The following UNC5D variants were observed in gnomAD, a reference collection of about 807,000 sequenced individuals.
UNC5D encodes netrin receptor UNC5D.
In UNC5D, 39 loss-of-function variants were observed where a neutral mutation model predicts 105.4. That is an observed-to-expected ratio of 0.37 (90% CI 0.29 to 0.48). UNC5D has a LOEUF of 0.48. Among genes scored for constraint, UNC5D ranks in the 20% least tolerant of loss-of-function variants. The pLI is 0.98. For synonymous variants in UNC5D, 452 were observed against 450.4 expected, an observed-to-expected ratio of 1.00 and a Z score of -0.04; for missense variants, 991 against 1,202.4, an observed-to-expected ratio of 0.82 and a Z score of 2.60.
chr8:35,410,556 A>T (rs530087731), intron 1 of UNC5D, among the ~76,000 whole-genome samples: 1 of 152,208 alleles, frequency 6.6e-6, no homozygotes, highest in African/African-American at 2.4e-5. Flanking sequence ...GAATAGAAAG[A>T]ATGCAAAGAA....
At chr8:35,647,486 A>G (rs1174683734) in intron 4 of UNC5D, among the ~76,000 whole-genome samples, 1 of 151,884 alleles carries the variant, frequency 6.6e-6, no homozygotes, top group Non-Finnish European at 1.5e-5. Flanking sequence ...CATTACATTT[A>G]TTTCTTTTAA....
chr8:35,654,648 T>C (rs1019773245), intron 4 of UNC5D, among the ~76,000 whole-genome samples: 1 of 152,074 alleles, frequency 6.6e-6, no homozygotes, highest in Non-Finnish European at 1.5e-5. Flanking sequence ...TTTCATGACA[T>C]GCTTTATCTA....
chr8:35,721,592 A>G, intron 8 of UNC5D: 1 of 690,974 alleles, frequency 1.4e-6, no homozygotes, highest in African/African-American at 1.8e-5. Flanking sequence ...CCTGGGACCA[A>G]GACCTTCATA....
At chr8:35,606,386 T>C (rs1433954999) in intron 4 of UNC5D, among the ~76,000 whole-genome samples, 1 of 152,232 alleles carries the variant, frequency 6.6e-6, no homozygotes, top group Non-Finnish European at 1.5e-5. Context: ...AGTCTGGAGT[T>C]TGCATTAAGG....
chr8:35,750,186 G>C (rs1411294992), intron 12 of UNC5D, among the ~76,000 whole-genome samples: 2 of 151,818 alleles, frequency 1.3e-5, no homozygotes, highest in Non-Finnish European at 2.9e-5. Flanking sequence ...TGCCCAGGCT[G>C]GAGTGCAGTG....
intron 1 of UNC5D, among the ~76,000 whole-genome samples, chr8:35,293,350 C>A (rs1334275347): frequency 6.6e-6 from 1 of 152,122 alleles, no homozygotes; most frequent in East Asian, 1.9e-4. Flanking sequence ...GTGCTTTTAC[C>A]ATGGAAGGGT....
chr8:35,709,534 A>G (rs1827807267), intron 8 of UNC5D, among the ~76,000 whole-genome samples: 2 of 152,080 alleles, frequency 1.3e-5, no homozygotes, highest in Non-Finnish European at 2.9e-5. Context: ...TACTAAAAAT[A>G]CAAATATTAG....
intron 1 of UNC5D, among the ~76,000 whole-genome samples, chr8:35,484,586 A>G (rs868122996): frequency 6.6e-6 from 1 of 152,176 alleles, no homozygotes; most frequent in Non-Finnish European, 1.5e-5. Flanking sequence ...TCCCACTGAC[A>G]TGTTATGAAA....
intron 4 of UNC5D, among the ~76,000 whole-genome samples, chr8:35,673,359 T>G (rs375267905): frequency 6.6e-6 from 1 of 152,232 alleles, no homozygotes; most frequent in Non-Finnish European, 1.5e-5. Context: ...AGCATCACTG[T>G]GCAATGGTTC....
At chr8:35,761,587 G>A (rs78252754) in intron 14 of UNC5D, among the ~76,000 whole-genome samples, 6,566 of 152,254 alleles carry the variant, frequency 0.043, 349 homozygotes, top group African/African-American at 0.12. Context: ...TTGTAATTGA[G>A]CATAATTTGA....
intron 10 of UNC5D, among the ~76,000 whole-genome samples, chr8:35,729,403 C>T (rs7014109): frequency 0.081 from 12,313 of 152,124 alleles, 1,417 homozygotes; most frequent in African/African-American, 0.26. Flanking sequence ...TCCTGCTACA[C>T]GAGTGGCATT....
At chr8:35,733,378 GTCACCTTT>G (rs545764910) in intron 11 of UNC5D, among the ~76,000 whole-genome samples, 1 of 152,334 alleles carries the variant, frequency 6.6e-6, no homozygotes, top group African/African-American at 2.4e-5. Context: ...AGGCCAGTGT[GTCACCTTT>G]TCTTTGTAAT....
chr8:35,593,546 G>A (rs1819308899), intron 3 of UNC5D, among the ~76,000 whole-genome samples: 1 of 152,114 alleles, frequency 6.6e-6, no homozygotes, highest in African/African-American at 2.4e-5. Flanking sequence ...GGAGGAGTTG[G>A]AGACCAGACT....
intron 16 of UNC5D, among the ~76,000 whole-genome samples, chr8:35,777,942 C>T (rs894654262): frequency 1.3e-5 from 2 of 152,146 alleles, no homozygotes; most frequent in Non-Finnish European, 2.9e-5. Context: ...CTGGTGACCA[C>T]GGGCTCTAGG....
Position 35,477,931 on chromosome 8 carries a change from T to A in UNC5D, c.104-71361T>A, listed in dbSNP as rs563699225. 1.3e-3 allele frequency among the ~76,000 whole-genome samples: 200 copies of A among 152,298 alleles called. 1 individual carries two copies. The highest frequency in any genetic ancestry group is 4.7e-3 in the African/African-American group (196 of 41,582). ...GGAAGATAATCTTTAGGCATTATTA[T>A]TGGTAAATAAAAGTAAATAGAATGG... On this transcript the variant is annotated intron_variant, in intron 1 of 16. Transcript: ENST00000404895.
intron 1 of UNC5D, among the ~76,000 whole-genome samples, chr8:35,470,768 A>AAATG (rs1274647264): frequency 8.4e-6 from 1 of 119,086 alleles, no homozygotes; most frequent in Admixed American, 8.4e-5. Flanking sequence ...GACTTTCTCA[A>AAATG]AATAAATAAA....
At chr8:35,752,473 G>A (rs1367571986) in intron 13 of UNC5D, among the ~76,000 whole-genome samples, 5 of 152,192 alleles carry the variant, frequency 3.3e-5, no homozygotes, top group East Asian at 1.9e-4. Context: ...TTCCTGAACC[G>A]CCCCTGAGTA....
At chr8:35,474,413 A>T (rs148867420) in intron 1 of UNC5D, among the ~76,000 whole-genome samples, 1 of 152,366 alleles carries the variant, frequency 6.6e-6, no homozygotes, top group African/African-American at 2.4e-5. Context: ...CACCCAAAAT[A>T]GAGATAGCGA....
At position 35,456,090 on chromosome 8, in the gene UNC5D, T is replaced by C. The variant is rs573055843; in HGVS notation, c.104-93202T>C. 2.6e-5 allele frequency among the ~76,000 whole-genome samples: 4 copies of C among 152,292 alleles called. No homozygotes were observed. In the South Asian group the frequency reaches 8.3e-4, roughly 32 times the overall value. On this transcript the variant is annotated intron_variant, in intron 1 of 16. Transcript: ENST00000404895. ...TACTTGGCCTGCCTAATTCAGATAA[T>C]TTTTAAGGAGGAGAATCCATTTATT...
Sources: gnomAD v4.1 joint callset for allele counts (sites outside exome capture counted in the v4.1 genomes callset) on GRCh38, gnomAD v4.1.1 for gene constraint, MANE v1.5 for transcripts, NCBI Gene and HGNC (gene_info 2026-07-23, HGNC 2026-07-21) for gene names.